The following TPRG1 variants were observed in gnomAD, a reference collection of about 807,000 sequenced individuals.
TPRG1 encodes tumor protein p63 regulated 1.
A neutral mutation model predicts 29.3 loss-of-function variants in TPRG1; 29 were observed. The ratio of observed to expected loss-of-function variants is 0.99; its 90% CI spans 0.74 to 1.35. The LOEUF is 1.35. Among genes scored for constraint, TPRG1 ranks in the 40% most tolerant of loss-of-function variants. The pLI is 0.00. For missense variants in TPRG1, 327 were observed against 335.0 expected, an observed-to-expected ratio of 0.98 and a Z score of 0.19; for synonymous variants, 130 against 116.8, an observed-to-expected ratio of 1.11 and a Z score of -0.73.
intron 4 of TPRG1, among the ~76,000 whole-genome samples, chr3:189,254,854 A>G (rs1460416494): frequency 2.0e-5 from 3 of 152,036 alleles, no homozygotes; most frequent in Non-Finnish European, 4.4e-5. Flanking sequence ...AATGCTTGTG[A>G]TTTTTGTACA....
At chr3:189,150,427 C>T (rs1415350857) in intron 4 of TPRG1, among the ~76,000 whole-genome samples, 4 of 152,226 alleles carry the variant, frequency 2.6e-5, no homozygotes, top group East Asian at 3.9e-4. Flanking sequence ...GTGATTCACC[C>T]GCCTCGGCCT....
At chr3:189,105,915 A>G (rs1371590145) in intron 1 of TPRG1, among the ~76,000 whole-genome samples, 1 of 152,138 alleles carries the variant, frequency 6.6e-6, no homozygotes, top group Non-Finnish European at 1.5e-5. Context: ...GGGGAGGGAA[A>G]GTATCAGGAA....
intron 3 of TPRG1, among the ~76,000 whole-genome samples, chr3:189,014,086 T>G (rs1257452211): frequency 1.3e-5 from 2 of 152,208 alleles, no homozygotes; most frequent in Non-Finnish European, 2.9e-5. Context: ...TTTATGTGGT[T>G]GTTTCATAGT....
At chr3:189,040,512 T>A (rs710512) in intron 4 of TPRG1, among the ~76,000 whole-genome samples, 17 of 151,672 alleles carry the variant, frequency 1.1e-4, no homozygotes, top group Non-Finnish European at 1.3e-4. Context: ...AAATACCACC[T>A]CAGGCCATTG....
chr3:189,262,995 C>T (rs1377514013), intron 4 of TPRG1, among the ~76,000 whole-genome samples: 5 of 152,214 alleles, frequency 3.3e-5, no homozygotes, highest in South Asian at 4.1e-4. Context: ...GAGAATGAGA[C>T]GTTGAGCAAA....
chr3:189,154,155 C>T (rs1271073155), intron 5 of TPRG1, among the ~76,000 whole-genome samples: 1 of 152,184 alleles, frequency 6.6e-6, no homozygotes, highest in African/African-American at 2.4e-5. Context: ...TAACTCACAT[C>T]ATGCGATATT....
chr3:189,143,802 A>G (rs1282100436), intron 3 of TPRG1, among the ~76,000 whole-genome samples: 3 of 152,176 alleles, frequency 2.0e-5, no homozygotes, highest in East Asian at 1.9e-4. Context: ...GTCTCTGTCA[A>G]ATCTACTGGA....
At chr3:189,293,823 A>G (rs189130504) in intron 4 of TPRG1, among the ~76,000 whole-genome samples, 266 of 152,256 alleles carry the variant, frequency 1.7e-3, no homozygotes, top group African/African-American at 6.1e-3. Context: ...TTACTCTCCA[A>G]AATCCATCTT....
At chr3:189,001,461 C>A (rs543156164) in intron 2 of TPRG1, among the ~76,000 whole-genome samples, 9 of 152,238 alleles carry the variant, frequency 5.9e-5, no homozygotes, top group South Asian at 2.1e-4. Flanking sequence ...ATAGGCTGAA[C>A]CTTTGCTCAC....
intron 4 of TPRG1, among the ~76,000 whole-genome samples, chr3:189,261,931 A>C (rs1466317190): frequency 6.6e-6 from 1 of 152,158 alleles, no homozygotes; most frequent in Non-Finnish European, 1.5e-5. Flanking sequence ...GAAAGTTTCT[A>C]AATGGTTTTG....
chr3:189,065,057 C>T (rs545750645), intron 4 of TPRG1, among the ~76,000 whole-genome samples: 16 of 151,924 alleles, frequency 1.1e-4, no homozygotes, highest in South Asian at 2.1e-4. Flanking sequence ...TATGTGTTGG[C>T]GCACAGCTAC....
At chr3:189,265,285 A>T (rs1713863844) in intron 4 of TPRG1, among the ~76,000 whole-genome samples, 1 of 152,210 alleles carries the variant, frequency 6.6e-6, no homozygotes, top group Admixed American at 6.5e-5. Flanking sequence ...TAGAGTCATC[A>T]CATGATGGGC....
At chr3:189,091,459 A>G (rs555005194) in intron 4 of TPRG1, among the ~76,000 whole-genome samples, 2 of 152,210 alleles carry the variant, frequency 1.3e-5, no homozygotes, top group Admixed American at 6.5e-5. Flanking sequence ...GTCATTTCCT[A>G]TACAATGCTC....
upstream of TPRG1, among the ~76,000 whole-genome samples, chr3:189,167,587 A>G (rs764893321): frequency 1.4e-4 from 21 of 152,164 alleles, no homozygotes; most frequent in Non-Finnish European, 2.6e-4. Context: ...TCAACATGAC[A>G]ACAGCAGAAC....
chr3:189,154,099 C>T (rs1726325723), intron 5 of TPRG1, among the ~76,000 whole-genome samples: 1 of 152,174 alleles, frequency 6.6e-6, no homozygotes, highest in Non-Finnish European at 1.5e-5. Flanking sequence ...GAGGATGAGG[C>T]AGCTGCTTTT....
At chr3:189,197,836 T>C (rs1664433960) in intron 1 of TPRG1, among the ~76,000 whole-genome samples, 4 of 152,186 alleles carry the variant, frequency 2.6e-5, no homozygotes, top group African/African-American at 7.2e-5. Context: ...GAGAAATAGA[T>C]AAATGATACA....
In TPRG1 at chr3:189,195,521, T is replaced by C. The variant is rs558729633; in HGVS notation, c.-9-11855T>C. ...AAGGAGAGCCATGACTACTCACCGC[T>C]AGAGCAAGACACACTCTAGCCATAG... On this transcript the variant is annotated intron_variant, in intron 1 of 5. Transcript: ENST00000345063. Among the ~76,000 whole-genome samples the C allele has an allele frequency of 5.3e-5, 8 of 152,274 alleles. No homozygotes were observed. In the East Asian group the frequency reaches 1.2e-3, roughly 22 times the overall value.
intron 4 of TPRG1, among the ~76,000 whole-genome samples, chr3:189,252,278 T>C (rs964344167): frequency 8.5e-5 from 13 of 152,182 alleles, no homozygotes; most frequent in African/African-American, 2.4e-4. Context: ...TGGAGTCTCC[T>C]ATGTCTACTT....
chr3:189,068,826 G>C (rs548414728), intron 4 of TPRG1, among the ~76,000 whole-genome samples: 2 of 151,122 alleles, frequency 1.3e-5, no homozygotes, highest in Admixed American at 6.6e-5. Context: ...AGGGAGGAGG[G>C]AGGACAAGTT....
Sources: allele counts gnomAD v4.1 joint callset (sites outside exome capture counted in the v4.1 genomes callset), GRCh38; gene constraint gnomAD v4.1.1; transcripts MANE v1.5; gene names NCBI Gene and HGNC (gene_info 2026-07-23, HGNC 2026-07-21).